RANBP2: variants seen among roughly 807,000 people sequenced by gnomAD.
RANBP2 encodes RAN binding protein 2.
Under a neutral mutation model 303.6 loss-of-function variants are expected in RANBP2, and 57 were observed. The observed-to-expected ratio is 0.19, with a 90% CI of 0.15 to 0.23. The LOEUF (loss-of-function observed/expected upper bound fraction) is 0.23. Among genes scored for constraint, RANBP2 ranks in the 10% least tolerant of loss-of-function variants. The pLI is 1.00. For synonymous variants in RANBP2, 1,167 were observed against 1,301.5 expected (o/e 0.90, Z 2.23); for missense variants, 3,138 against 3,780.8 (o/e 0.83, Z 4.46).
chr2:109,046,703 A>G, the RANBP2 span, among the ~76,000 whole-genome samples: 1 of 152,074 alleles, frequency 6.6e-6, no homozygotes, highest in Non-Finnish European at 1.5e-5. Context: ...ATTGTTCAAA[A>G]CAAAACTAAC....
chr2:109,372,742 G>A, the RANBP2 span, among the ~76,000 whole-genome samples: 2,950 of 152,212 alleles, frequency 0.019, 93 homozygotes, highest in African/African-American at 0.061. Flanking sequence ...ACTGTCTCTG[G>A]CTAATGAACT....
the RANBP2 span, among the ~76,000 whole-genome samples, chr2:108,874,368 A>C: frequency 6.6e-6 from 1 of 152,266 alleles, no homozygotes; most frequent in Admixed American, 6.5e-5. Flanking sequence ...CCTGACTCAG[A>C]AACTTGTATA....
the RANBP2 span, chr2:109,251,303 G>T: frequency 7.4e-6 from 3 of 403,638 alleles, no homozygotes; most frequent in African/African-American, 6.2e-5. Flanking sequence ...CACCATGCCC[G>T]GCCCAAATTA....
the RANBP2 span, among the ~76,000 whole-genome samples, chr2:109,337,787 G>A: frequency 6.6e-6 from 1 of 151,968 alleles, no homozygotes; most frequent in Non-Finnish European, 1.5e-5. Context: ...GACTGCAGTG[G>A]CATAATCATA....
At chr2:109,077,873 C>T in the RANBP2 span, among the ~76,000 whole-genome samples, 267 of 148,252 alleles carry the variant, frequency 1.8e-3, no homozygotes, top group African/African-American at 6.2e-3. Flanking sequence ...TGCAAATTGG[C>T]GTACCTATTA....
chr2:109,336,861 C>T, the RANBP2 span, among the ~76,000 whole-genome samples: 699 of 152,206 alleles, frequency 4.6e-3, 4 homozygotes, highest in Non-Finnish European at 7.2e-3. Flanking sequence ...TCCGTCAACA[C>T]CTGGTGCAGT....
the RANBP2 span, among the ~76,000 whole-genome samples, chr2:109,524,144 T>C: frequency 6.6e-6 from 1 of 152,150 alleles, no homozygotes; most frequent in East Asian, 1.9e-4. Context: ...CAGGGCCTAG[T>C]GGCGCAAGAG....
chr2:108,796,067 T>C, the RANBP2 span, among the ~76,000 whole-genome samples: 201 of 152,342 alleles, frequency 1.3e-3, no homozygotes, highest in Middle Eastern at 3.4e-3. Flanking sequence ...TTTATTTTTT[T>C]GAGACGGAGT....
At chr2:109,205,267 T>TTTTTTTTTTTTA in the RANBP2 span, among the ~76,000 whole-genome samples, 2 of 151,878 alleles carry the variant, frequency 1.3e-5, no homozygotes, top group Admixed American at 6.6e-5. Context: ...GTGACTTTTT[T>TTTTTTTTTTTTA]TTTTTTTTTT....
At chr2:109,242,389 C>T in the RANBP2 span, among the ~76,000 whole-genome samples, 2,986 of 152,234 alleles carry the variant, frequency 0.02, 102 homozygotes, top group African/African-American at 0.067. Flanking sequence ...TGTCGTGCCT[C>T]GTTGCAGATG....
At chr2:109,561,880 TCCATCACTGTAATC>T in the RANBP2 span, among the ~76,000 whole-genome samples, 3 of 152,130 alleles carry the variant, frequency 2.0e-5, no homozygotes, top group African/African-American at 7.2e-5. Context: ...CCAGGTGTGA[TCCATCACTGTAATC>T]CCATCACTTC....
the RANBP2 span, among the ~76,000 whole-genome samples, chr2:109,002,372 T>C: frequency 2.6e-5 from 4 of 152,174 alleles, no homozygotes; most frequent in Non-Finnish European, 5.9e-5. Context: ...CTTGCCTCCT[T>C]CTCACTCACT....
At chr2:109,649,982 A>G in the RANBP2 span, among the ~76,000 whole-genome samples, 1 of 152,256 alleles carries the variant, frequency 6.6e-6, no homozygotes, top group African/African-American at 2.4e-5. Context: ...AGACATAACG[A>G]AATGATAATT....
the RANBP2 span, among the ~76,000 whole-genome samples, chr2:109,260,595 G>T: frequency 6.6e-6 from 1 of 152,208 alleles, no homozygotes; most frequent in Non-Finnish European, 1.5e-5. Context: ...TATGTGGAGT[G>T]CCTGATGCAG....
the RANBP2 span, among the ~76,000 whole-genome samples, chr2:108,938,219 T>C: frequency 6.6e-6 from 1 of 152,232 alleles, no homozygotes; most frequent in Non-Finnish European, 1.5e-5. Flanking sequence ...TCCGCTAGTC[T>C]TTATTTTCCT....
chr2:109,210,134 T>TCTCCTTC, the RANBP2 span, among the ~76,000 whole-genome samples: 6 of 152,136 alleles, frequency 3.9e-5, no homozygotes. Context: ...TGCGTCACAA[T>TCTCCTTC]CTCCTTCCTC....
At chr2:109,723,807 A>G in the RANBP2 span, among the ~76,000 whole-genome samples, 1 of 152,162 alleles carries the variant, frequency 6.6e-6, no homozygotes, top group Non-Finnish European at 1.5e-5. Flanking sequence ...TTTTGTTGCA[A>G]TTGCTTTTGG....
At chr2:108,786,973 C>T (rs1678915275), downstream of RANBP2, 3 of 1,218,790 alleles carry the variant, frequency 2.5e-6, no homozygotes, top group Non-Finnish European at 3.2e-6. Context: ...GCGGCCCGCT[C>T]CGTGCCCCGC....
the RANBP2 span, among the ~76,000 whole-genome samples, chr2:109,657,396 C>T: frequency 5.9e-5 from 9 of 152,022 alleles, no homozygotes; most frequent in Non-Finnish European, 1.2e-4. Context: ...TGCAGTGAAC[C>T]GTGATTGTGC....
Sources: gnomAD v4.1 joint callset for allele counts (sites outside exome capture counted in the v4.1 genomes callset) on GRCh38, gnomAD v4.1.1 for gene constraint, MANE v1.5 for transcripts, NCBI Gene and HGNC (gene_info 2026-07-23, HGNC 2026-07-21) for gene names.